ANAPC1: variants seen among roughly 807,000 people sequenced by gnomAD.
ANAPC1 encodes the protein anaphase-promoting complex subunit 1.
A neutral mutation model predicts 208.0 loss-of-function variants in ANAPC1; 36 were observed. The ratio of observed to expected loss-of-function variants is 0.17; its 90% confidence interval spans 0.13 to 0.23. ANAPC1 has a LOEUF of 0.23. Among genes scored for constraint, ANAPC1 ranks in the 10% least tolerant of loss-of-function variants. The pLI is 1.00. For synonymous variants in ANAPC1, 378 were observed against 695.2 expected (o/e 0.54, Z 7.18); for missense variants, 942 against 2,011.6 (o/e 0.47, Z 10.17).
At chr2:111,849,533 A>G (rs1165113217) in intron 14 of ANAPC1, among the ~76,000 whole-genome samples, 10 of 152,160 alleles carry the variant, frequency 6.6e-5, no homozygotes, top group Non-Finnish European at 1.5e-4. Flanking sequence ...CCACACTCAC[A>G]TGTCCTTTAA....
At chr2:111,770,875 TGAA>T (rs1676698708) in intron 47 of ANAPC1, among the ~76,000 whole-genome samples, 1 of 151,710 alleles carries the variant, frequency 6.6e-6, no homozygotes, top group African/African-American at 2.4e-5. Flanking sequence ...CTCCAATATC[TGAA>T]TCACACATAA....
At chr2:111,820,137 T>C (rs1232133436) in intron 26 of ANAPC1, among the ~76,000 whole-genome samples, 2 of 152,208 alleles carry the variant, frequency 1.3e-5, no homozygotes, top group Non-Finnish European at 2.9e-5. Flanking sequence ...TTCACTGAAA[T>C]ACACAACTGA....
chr2:111,802,226 T>A (rs1032663474), intron 33 of ANAPC1, among the ~76,000 whole-genome samples: 3 of 152,182 alleles, frequency 2.0e-5, no homozygotes, highest in Non-Finnish European at 4.4e-5. Context: ...GTAAAGACAT[T>A]TATGTTTGCC....
At chr2:111,878,753 A>G (rs998988067) in intron 3 of ANAPC1, 57 bp downstream of exon 3, 3 of 1,600,122 alleles carry the variant, frequency 1.9e-6, no homozygotes, top group African/African-American at 2.7e-5. Context: ...TTAAAACAAA[A>G]CTTTTTTTTA....
chr2:111,861,485 C>A (rs975464332), intron 10 of ANAPC1, among the ~76,000 whole-genome samples: 3 of 151,700 alleles, frequency 2.0e-5, no homozygotes, highest in African/African-American at 7.3e-5. Flanking sequence ...CTGATCCCAG[C>A]TGCCGTCTGT....
chr2:111,869,208 G>A (rs1008044489), intron 6 of ANAPC1, among the ~76,000 whole-genome samples: 1 of 152,100 alleles, frequency 6.6e-6, no homozygotes, highest in Non-Finnish European at 1.5e-5. Flanking sequence ...GCTCAAAGCA[G>A]CACAATGAGA....
At chr2:111,872,227 G>T (rs572093071) in intron 6 of ANAPC1, among the ~76,000 whole-genome samples, 1 of 152,092 alleles carries the variant, frequency 6.6e-6, no homozygotes, top group East Asian at 1.9e-4. Context: ...GCTTTTTTCT[G>T]CATCTATTGA....
chr2:111,853,522 CTTCTAA>C (rs1025030612), intron 13 of ANAPC1, among the ~76,000 whole-genome samples: 47 of 152,172 alleles, frequency 3.1e-4, no homozygotes, highest in Admixed American at 7.9e-4. Context: ...TCAGGCTCTA[CTTCTAA>C]TTCTAATTCT....
chr2:111,861,726 T>C (rs1157617589), intron 10 of ANAPC1, among the ~76,000 whole-genome samples: 24 of 114,338 alleles, frequency 2.1e-4, no homozygotes, highest in Non-Finnish European at 3.9e-4. Context: ...ATCTAAGCTA[T>C]GTTTCCCAAA....
intron 13 of ANAPC1, 81 bp from the exon 14 acceptor site, chr2:111,850,991 A>C: frequency 6.9e-7 from 1 of 1,447,288 alleles, no homozygotes; most frequent in South Asian, 1.4e-5. Flanking sequence ...AAGGAATATA[A>C]ACATATATTT....
rs767926278 is a variant in ANAPC1 at position 111,872,645 on chromosome 2, G to A, written c.596C>T (p.Pro199Leu). 6.2e-6 allele frequency: 10 copies of A among 1,612,572 alleles called. No individual in the cohort carries two copies. The African/African-American group carries it at 9.3e-5, about 15-fold the overall frequency. The change falls in exon 6 of 48, where the codon CCT becomes CTT. Residue 199 changes from proline (P) to leucine (L), a missense_variant. By Grantham distance (98) the Pro-to-Leu change is moderately conservative. Coordinates refer to ENST00000341068, the MANE Select transcript of ANAPC1 (RefSeq NM_022662.4). ...AAATGAATACCTGGGTGAACCTGGA[G>A]GTACTTCATGTGAAGAAGCGCTTCG... ...FERSASSHEVPPGSPREPLPT... is the reference protein window; with the variant it reads ...FERSASSHEVLPGSPREPLPT...
In ANAPC1 at chr2:111,768,632, TATG is replaced by T. The variant is rs1218355216; in HGVS notation, c.*656_*658del. On this transcript the variant is annotated 3_prime_UTR_variant, in exon 48 of 48. Transcript: ENST00000341068. ...TTCTACTGAATTAAGGCCCCACCCTTATGATGACCTCACTTAACCTTAGTAATC... is the reference window on the plus strand; with the variant it reads ...TTCTACTGAATTAAGGCCCCACCCTTATGACCTCACTTAACCTTAGTAATC... 1 of 147,494 alleles carries T rather than the reference TATG, an allele frequency of 6.8e-6. No individual in the cohort carries two copies. The highest frequency in any genetic ancestry group is 1.5e-5 in the Non-Finnish European group (1 of 67,292). 9.1% of individuals were successfully genotyped at this position (147,494 alleles called of 1,614,324 possible).
chr2:111,828,997 C>T (rs1449369836), intron 21 of ANAPC1, among the ~76,000 whole-genome samples: 2 of 152,138 alleles, frequency 1.3e-5, no homozygotes, highest in Non-Finnish European at 2.9e-5. Context: ...GGCAGATCAC[C>T]TGATGTCAGG....
chr2:111,839,260 G>A (rs1460242846), intron 17 of ANAPC1, among the ~76,000 whole-genome samples: 1 of 152,220 alleles, frequency 6.6e-6, no homozygotes, highest in Non-Finnish European at 1.5e-5. Context: ...GCTAAGCCCT[G>A]TTATGTAAGC....
At chr2:111,870,815 T>C (rs1317492726) in intron 6 of ANAPC1, among the ~76,000 whole-genome samples, 1 of 152,240 alleles carries the variant, frequency 6.6e-6, no homozygotes, top group East Asian at 1.9e-4. Context: ...TCTAGAATTT[T>C]TATGGTTTCA....
At chr2:111,868,998 T>C (rs1395329854) in intron 6 of ANAPC1, among the ~76,000 whole-genome samples, 1 of 152,146 alleles carries the variant, frequency 6.6e-6, no homozygotes, top group Non-Finnish European at 1.5e-5. Context: ...TGCCCTTCGG[T>C]GTGCTCATAA....
intron 46 of ANAPC1, 38 bp from the exon 47 acceptor site, chr2:111,772,513 C>T (rs1676796211): frequency 1.1e-6 from 1 of 914,596 alleles, no homozygotes; most frequent in Non-Finnish European, 1.6e-6. Context: ...CAACTGATGA[C>T]AGAACTGAGA....
chr2:111,821,466 C>T lies in ANAPC1; in HGVS notation c.2992-13G>A, dbSNP rs1328453000. On this transcript the variant is annotated splice_polypyrimidine_tract_variant and intron_variant, in intron 25 of 47. Transcript: ENST00000341068. ...CTGATGAGAGCACCTGAGTAACAGA[C>T]TTTATTGTAATAATAATTTCAAAAG... The T allele has an allele frequency of 9.0e-6, 13 of 1,447,702 alleles. No homozygotes were observed. In the East Asian group the frequency reaches 1.4e-4, roughly 16 times the overall value. 89.7% of individuals were successfully genotyped at this position (1,447,702 alleles called of 1,614,324 possible).
chr2:111,803,044 G>A (rs1678516230), intron 32 of ANAPC1: 1 of 149,954 alleles, frequency 6.7e-6, no homozygotes, highest in South Asian at 8.8e-5. Flanking sequence ...AAAAGCTCCT[G>A]AAGTAGGCAA....
Sources: gnomAD v4.1 joint callset for allele counts (sites outside exome capture counted in the v4.1 genomes callset) on GRCh38, gnomAD v4.1.1 for gene constraint, MANE v1.5 for transcripts, NCBI Gene and HGNC (gene_info 2026-07-23, HGNC 2026-07-21) for gene names.